EVC2: variants seen among roughly 807,000 people sequenced by gnomAD.
EVC2 encodes the protein limbin.
EVC2 carries 148 observed loss-of-function variants against 149.3 expected under a neutral mutation model. The ratio of observed to expected loss-of-function variants is 0.99; its 90% CI spans 0.87 to 1.14. The LOEUF is 1.14. Ranked by LOEUF, EVC2 falls within the 50% of genes most tolerant of loss-of-function variation. The pLI, the probability that EVC2 is intolerant of heterozygous loss-of-function variation, is 0.00. For synonymous variants in EVC2, 776 were observed against 649.9 expected (o/e 1.19, Z -2.95); for missense variants, 1,854 against 1,627.3 (o/e 1.14, Z -2.40).
chr4:5,629,832 T>C (rs1002242747), intron 11 of EVC2, among the ~76,000 whole-genome samples: 2 of 152,244 alleles, frequency 1.3e-5, no homozygotes, highest in African/African-American at 4.8e-5. Flanking sequence ...TGCATGCTGA[T>C]TGATGGGAGC....
downstream of EVC2, among the ~76,000 whole-genome samples, chr4:5,561,937 C>A (rs932318978): frequency 5.3e-5 from 8 of 152,094 alleles, no homozygotes; most frequent in Non-Finnish European, 1.2e-4. Flanking sequence ...TCAGAGAATA[C>A]CCATTGTAAT....
chr4:5,665,526 T>A lies in EVC2; in HGVS notation c.994A>T (p.Thr332Ser). The A allele has an allele frequency of 1.2e-6, 2 of 1,614,040 alleles. No homozygotes were observed. The highest frequency in any genetic ancestry group is 1.3e-5 in the African/African-American group (1 of 75,004). The change falls in exon 8 of 22, where the codon ACC (threonine) becomes TCC (serine). Residue 332 changes from threonine to serine, a missense_variant. Coordinates refer to ENST00000344408, the MANE Select transcript of EVC2 (RefSeq NM_147127.5). ...RYQCLKGNMLTRHRVWQYESK... is the reference protein window; with the variant it reads ...RYQCLKGNMLSRHRVWQYESK... Reference sequence around the variant, plus strand: ...CAGGGAAGACTCACCCGATGTCTGGTGAGCATGTTTCCCTTCAGACACTGA... The same window carrying A: ...CAGGGAAGACTCACCCGATGTCTGGAGAGCATGTTTCCCTTCAGACACTGA...
At chr4:5,599,282 T>C (rs1437557551) in intron 16 of EVC2, among the ~76,000 whole-genome samples, 2 of 151,360 alleles carry the variant, frequency 1.3e-5, no homozygotes, top group Non-Finnish European at 2.9e-5. Context: ...GTATGTTGAT[T>C]GTGGCACTAT....
At chr4:5,595,145 A>C (rs182370387) in intron 16 of EVC2, among the ~76,000 whole-genome samples, 299 of 152,310 alleles carry the variant, frequency 2.0e-3, no homozygotes, top group African/African-American at 6.2e-3. Flanking sequence ...AAACACTCTG[A>C]AGGATATTAT....
intron 19 of EVC2, among the ~76,000 whole-genome samples, chr4:5,574,207 G>T (rs1722788323): frequency 6.6e-6 from 1 of 152,172 alleles, no homozygotes; most frequent in Admixed American, 6.5e-5. Flanking sequence ...ACTGCATAAG[G>T]CTCCGTGCAC....
At chr4:5,593,741 C>T (rs918462685) in intron 16 of EVC2, among the ~76,000 whole-genome samples, 3 of 152,066 alleles carry the variant, frequency 2.0e-5, no homozygotes, top group African/African-American at 2.4e-5. Flanking sequence ...TACAGTGCAC[C>T]GTGCGTGAGC....
chr4:5,529,436 T>C, the EVC2 span, among the ~76,000 whole-genome samples: 1 of 152,222 alleles, frequency 6.6e-6, no homozygotes, highest in African/African-American at 2.4e-5. This position sits in a 1 kb window ranked among gnomAD's most constrained non-coding sequence, Gnocchi z 4.5. Context: ...AAGAATCCTT[T>C]CCTTATTTCT....
intron 17 of EVC2, among the ~76,000 whole-genome samples, chr4:5,584,387 C>T (rs897081818): frequency 6.6e-6 from 1 of 152,168 alleles, no homozygotes; most frequent in Non-Finnish European, 1.5e-5. Context: ...TGGCACCTGC[C>T]AAGTTTCAGA....
chr4:5,578,595 G>A (rs1475729732), intron 17 of EVC2, among the ~76,000 whole-genome samples: 2 of 152,092 alleles, frequency 1.3e-5, no homozygotes, highest in African/African-American at 2.4e-5. Context: ...CACTCCACAG[G>A]TATCTGCTGA....
At chr4:5,683,427 C>G in intron 6 of EVC2, among the ~76,000 whole-genome samples, 1 of 152,302 alleles carries the variant, frequency 6.6e-6, no homozygotes, top group Non-Finnish European at 1.5e-5. Context: ...CATGCAGTTA[C>G]GTTTTTTAGT....
At chr4:5,663,326 C>T in intron 8 of EVC2, 80 bp from the exon 9 acceptor site, 2 of 1,594,188 alleles carry the variant, frequency 1.3e-6, no homozygotes, top group Non-Finnish European at 1.7e-6. Flanking sequence ...GAGGGAAGGC[C>T]AGGGGTCTGC....
At chr4:5,565,213 T>A (rs1193870636) in intron 21 of EVC2, 45 bp downstream of exon 21, 1 of 1,593,086 alleles carries the variant, frequency 6.3e-7, no homozygotes, top group African/African-American at 1.3e-5. Context: ...ACAGGCAGCT[T>A]AGCTCACCCC....
intron 20 of EVC2, among the ~76,000 whole-genome samples, chr4:5,566,733 C>T (rs987735008): frequency 6.6e-6 from 1 of 152,014 alleles, no homozygotes; most frequent in Non-Finnish European, 1.5e-5. Flanking sequence ...CCTCTTGCCT[C>T]GTCCCAGCTT....
At chr4:5,578,477 T>A (rs544354159) in intron 17 of EVC2, among the ~76,000 whole-genome samples, 1 of 152,302 alleles carries the variant, frequency 6.6e-6, no homozygotes, top group East Asian at 1.9e-4. Context: ...CAAGAGAGTA[T>A]AACGAAATCT....
At chr4:5,582,521 GTAAC>G (rs1255996803) in intron 17 of EVC2, among the ~76,000 whole-genome samples, 3 of 152,236 alleles carry the variant, frequency 2.0e-5, no homozygotes, top group African/African-American at 7.2e-5. Context: ...ATCACTGGAA[GTAAC>G]TAACTTGTTT....
intron 16 of EVC2, among the ~76,000 whole-genome samples, chr4:5,615,146 G>A (rs1397611810): frequency 2.0e-5 from 3 of 152,196 alleles, no homozygotes; most frequent in Non-Finnish European, 2.9e-5. Context: ...AAGTGACTCA[G>A]CCAGTGGAGG....
chr4:5,649,895 G>A (rs909161878), intron 9 of EVC2, among the ~76,000 whole-genome samples: 1 of 152,108 alleles, frequency 6.6e-6, no homozygotes, highest in African/African-American at 2.4e-5. Context: ...AATTTGGGGA[G>A]AAAAATACCT....
intron 7 of EVC2, among the ~76,000 whole-genome samples, chr4:5,667,427 C>T (rs1002660621): frequency 3.9e-5 from 6 of 152,118 alleles, no homozygotes; most frequent in Non-Finnish European, 5.9e-5. Context: ...ATGAAAATCA[C>T]CCAGACTGCT....
chr4:5,563,012 C>T lies in EVC2; in HGVS notation c.3763G>A (p.Val1255Ile). 1 of 1,614,230 alleles carries T rather than the reference C, an allele frequency of 6.2e-7. No individual in the cohort carries two copies. The change falls in exon 22 of 22, where the codon GTA (valine) becomes ATA (isoleucine). Residue 1255 changes from valine (V) to isoleucine (I), a missense_variant. Physicochemically the swap from Val to Ile is conservative, Grantham distance 29 (BLOSUM62 3). Transcript: ENST00000344408. ...ATGGTTTCTGCCCCTACAATGGGTA[C>T]AGGGGCCAGTTCGCCAATGGGCTCC... Reference protein sequence around the residue: ...SLEPIGELAPVPIVGAETIDL... With the variant: ...SLEPIGELAPIPIVGAETIDL...
Sources: allele counts gnomAD v4.1 joint callset (sites outside exome capture counted in the v4.1 genomes callset), GRCh38; gene constraint gnomAD v4.1.1; non-coding constraint Gnocchi (gnomAD v3.1); transcripts MANE v1.5; gene names NCBI Gene and HGNC (gene_info 2026-07-23, HGNC 2026-07-21).